Variants in ARHGEF15 observed in about 807,000 individuals in gnomAD.
The protein encoded by ARHGEF15 is Rho guanine nucleotide exchange factor 15, also known as Rho guanine nucleotide exchange factor (GEF) 15.
Under a neutral mutation model 79.7 loss-of-function variants are expected in ARHGEF15, and 58 were observed. The ratio of observed to expected loss-of-function variants is 0.73; its 90% confidence interval spans 0.59 to 0.91. The LOEUF (loss-of-function observed/expected upper bound fraction) is 0.91, where lower values mean the gene tolerates loss of function less well. Among genes scored for constraint, ARHGEF15 ranks in the 40% least tolerant of loss-of-function variants. ARHGEF15 has a pLI of 0.00. For missense variants in ARHGEF15, 1,012 were observed against 1,108.1 expected (o/e 0.91, Z 1.23); for synonymous variants, 442 against 456.0 (o/e 0.97, Z 0.39).
Position 8,320,958 on chromosome 17 carries a change from T to C in ARHGEF15, c.2491T>C (p.Ser831Pro), listed in dbSNP as rs3744647. Residue 831 changes from serine (S) to proline (P), a missense_variant, in exon 16 of 16, where the codon TCT becomes CCT. Coordinates refer to ENST00000361926, the MANE Select transcript of ARHGEF15 (RefSeq NM_173728.4). ...CCAGAGGCTTCTCGAGGCTGTTGGA[T>C]CTTCTTCAGGCACCCCCAATGCCCC... is the stretch of plus-strand genomic sequence containing the variant. Reference protein sequence around the residue: ...QNQRLLEAVGSSSGTPNAPPP With the variant: ...QNQRLLEAVGPSSGTPNAPPP 1,004,260 of 1,613,596 alleles carry C rather than the reference T, an allele frequency of 0.62. 314,773 individuals are homozygous for C. Among genetic ancestry groups the C allele is most frequent in the Middle Eastern group, 0.71 (4,332 of 6,060 alleles).
rs1408171717 is a variant in ARHGEF15 at position 8,322,449 on chromosome 17, G to A, written c.*1456G>A. The A allele has an allele frequency of 2.6e-5, 4 of 152,368 alleles. No individual in the cohort carries two copies. The highest frequency in any genetic ancestry group is 5.9e-5 in the Non-Finnish European group (4 of 68,136). 9.4% of individuals were successfully genotyped at this position (152,368 alleles called of 1,614,324 possible). A position where few individuals can be genotyped will look rare whatever the true frequency, so the allele number is the denominator to read the frequency against. The stretch of plus-strand genomic sequence containing the variant: ...GGCATTTGGCATGTCCATGACATTG[G>A]AGACTCCCCTAGCAGGGTGCCTGAC... On this transcript the variant is annotated 3_prime_UTR_variant, in exon 16 of 16. Transcript: ENST00000361926.
rs754752504 is a variant in ARHGEF15 at position 8,313,159 on chromosome 17, C to T, written c.839C>T (p.Pro280Leu). Residue 280 changes from proline to leucine, a missense_variant, in exon 3 of 16, where the codon CCT (proline) becomes CTT (leucine). By Grantham distance (98) the Pro-to-Leu change is moderately conservative. Around this residue, in one of 3 missense-constraint regions of ARHGEF15, gnomAD observed 818 missense variants for 882.5 expected, o/e 0.93. Coordinates refer to ENST00000361926, the MANE Select transcript of ARHGEF15 (RefSeq NM_173728.4). ...AERKLLPLLK[P>L]PKPTRVRQDA... is the part of the protein sequence containing the mutation. ...CGCAAACTCCTGCCACTCCTCAAGC[C>T]TCCCAAACCAACTCGTGTCAGGCAG... 2 of 1,612,572 alleles carry T rather than the reference C, an allele frequency of 1.2e-6. No homozygotes were observed. Among genetic ancestry groups the T allele is most frequent in the Non-Finnish European group, 1.7e-6 (2 of 1,180,000 alleles).
chr17:8,318,589 C>T lies in ARHGEF15; in HGVS notation c.1799C>T (p.Ala600Val), dbSNP rs749088765. 1 of 1,613,834 alleles carries T rather than the reference C, an allele frequency of 6.2e-7. No homozygotes were observed. The highest frequency in any genetic ancestry group is 1.1e-5 in the South Asian group (1 of 91,070). The change falls in exon 11 of 16, where the codon GCT (alanine) becomes GTT (valine). Residue 600 changes from alanine (A) to valine (V), a missense_variant. Ala to Val is a moderately conservative substitution (Grantham distance 64, BLOSUM62 0). Coordinates refer to ENST00000361926, the MANE Select transcript of ARHGEF15 (RefSeq NM_173728.4). This position sits in a 1 kb window ranked among gnomAD's most constrained non-coding sequence, Gnocchi z 5.0. ...AVSKIIERCS[A>V]EVGRMKQTEE... ...ACCTAGATCATCGAGCGTTGCAGCG[C>T]TGAGGTGGGGCGCATGAAGCAGACT...
chr17:8,312,827 T>C (rs970369691), intron 2 of ARHGEF15, 95 bp from the exon 3 acceptor site: 7 of 1,556,624 alleles, frequency 4.5e-6, no homozygotes, highest in Admixed American at 3.4e-5. Flanking sequence ...GACCTTGATA[T>C]TGCAGTTGCT....
intron 2 of ARHGEF15, 134 bp downstream of exon 2, chr17:8,312,774 G>A: frequency 6.3e-7 from 1 of 1,578,966 alleles, no homozygotes; most frequent in South Asian, 1.1e-5. Context: ...CTGTATGTCG[G>A]GATTTGAAGG....
At chr17:8,319,245 G>A in intron 13 of ARHGEF15, 67 bp from the exon 14 acceptor site, 1 of 1,606,396 alleles carries the variant, frequency 6.2e-7, no homozygotes, top group Non-Finnish European at 8.5e-7. Flanking sequence ...TCTCTCTTCT[G>A]TGGCTCCTGC....
chr17:8,313,567 C>A lies in ARHGEF15; in HGVS notation c.989+12C>A, dbSNP rs770521016. ...ACTGTGGAGGGGAGGTACTGAACAC[C>A]CCCACCCCTACTCCCTGGTTCTCTC... On this transcript the variant is annotated intron_variant, in intron 4 of 15. Coordinates refer to ENST00000361926, the MANE Select transcript of ARHGEF15 (RefSeq NM_173728.4). 11 of 1,611,884 alleles carry A rather than the reference C, an allele frequency of 6.8e-6. No individual in the cohort carries two copies. The highest frequency in any genetic ancestry group is 1.7e-4 in the Middle Eastern group (1 of 5,784).
chr17:8,313,575 C>T lies in ARHGEF15; in HGVS notation c.989+20C>T, dbSNP rs1313078955. 7 of 1,608,074 alleles carry T rather than the reference C, an allele frequency of 4.4e-6. No individual in the cohort carries two copies. In the East Asian group the frequency reaches 1.3e-4, roughly 31 times the overall value. The stretch of plus-strand genomic sequence containing the variant: ...GGGGAGGTACTGAACACCCCCACCC[C>T]TACTCCCTGGTTCTCTCCCCACCAT... On this transcript the variant is annotated intron_variant, in intron 4 of 15. Transcript: ENST00000361926.
At chr17:8,316,179 C>A in intron 9 of ARHGEF15, 31 bp downstream of exon 9, 1 of 1,593,648 alleles carries the variant, frequency 6.3e-7, no homozygotes, top group South Asian at 1.1e-5. Context: ...CGTTTCTGCC[C>A]CACCAACCCC....
rs1277986283 is a variant in ARHGEF15 at position 8,322,196 on chromosome 17, GC to G, written c.*1206del. Reference sequence around the variant, plus strand: ...GAGAGATTGGAGAGCGGGTGTGGCTGCCCAACCCCATCCAGAGCATCTGCTT... The same window carrying G: ...GAGAGATTGGAGAGCGGGTGTGGCTGCCAACCCCATCCAGAGCATCTGCTT... On this transcript the variant is annotated 3_prime_UTR_variant, in exon 16 of 16. Coordinates refer to ENST00000361926, the MANE Select transcript of ARHGEF15 (RefSeq NM_173728.4). 6.6e-6 allele frequency: 1 copy of G among 152,634 alleles called. No homozygotes were observed. The highest frequency in any genetic ancestry group is 1.5e-5 in the Non-Finnish European group (1 of 68,258). 9.5% of individuals were successfully genotyped at this position (152,634 alleles called of 1,614,324 possible).
intron 1 of ARHGEF15, 137 bp from the exon 2 acceptor site, chr17:8,311,854 G>T: frequency 1.8e-6 from 1 of 542,176 alleles, no homozygotes; most frequent in Non-Finnish European, 3.2e-6. Context: ...GCTGTATCCC[G>T]TATTGAGTTT....
Position 8,315,304 on chromosome 17 carries a change from G to A in ARHGEF15, c.1260+27G>A, listed in dbSNP as rs1360091690. 1 of 1,611,208 alleles carries A rather than the reference G, an allele frequency of 6.2e-7. No individual in the cohort carries two copies. Among genetic ancestry groups the A allele is most frequent in the Non-Finnish European group, 8.5e-7 (1 of 1,178,814 alleles). The stretch of plus-strand genomic sequence containing the variant: ...TGGGAGCTGGAGGTGGGAGATGGGA[G>A]GGGGGTGCTGGGGTTGGGCTGCATG... On this transcript the variant is annotated intron_variant, in intron 6 of 15. Coordinates refer to ENST00000361926, the MANE Select transcript of ARHGEF15 (RefSeq NM_173728.4). The surrounding 1 kb of genome is among the most constrained non-coding windows in gnomAD (Gnocchi z 4.3).
chr17:8,313,063 G>A lies in ARHGEF15; in HGVS notation c.743G>A (p.Arg248His), dbSNP rs376834708. The A allele has an allele frequency of 3.2e-5, 52 of 1,613,146 alleles. No individual in the cohort carries two copies. Among genetic ancestry groups the A allele is most frequent in the Non-Finnish European group, 3.6e-5 (42 of 1,179,736 alleles). The change falls in exon 3 of 16, where the codon CGC (arginine) becomes CAC (histidine). Residue 248 changes from arginine (R) to histidine (H), a missense_variant. Arg to His is a conservative substitution (Grantham distance 29). Around this residue, in one of 3 missense-constraint regions of ARHGEF15, gnomAD observed 818 missense variants for 882.5 expected, o/e 0.93. Transcript: ENST00000361926. ...PRRASPLRTS[R>H]SRPHPPSIGH... ...CGGGCCTCCCCGCTGCGGACCTCTC[G>A]CTCCCGCCCCCACCCTCCAAGCATC...
chr17:8,312,491 G>A lies in ARHGEF15; in HGVS notation c.452G>A (p.Arg151Gln), dbSNP rs374195875. The change falls in exon 2 of 16, where the codon CGG (arginine) becomes CAG (glutamine). Residue 151 changes from arginine to glutamine, a missense_variant. Arg to Gln is a conservative substitution (Grantham distance 43). Around this residue, in one of 3 missense-constraint regions of ARHGEF15, gnomAD observed 818 missense variants for 882.5 expected, o/e 0.93. Coordinates refer to ENST00000361926, the MANE Select transcript of ARHGEF15 (RefSeq NM_173728.4). Reference protein sequence around the residue: ...NGSASAPGTVRRLAGRFEGGA... With the variant: ...NGSASAPGTVQRLAGRFEGGA... ...TCTGCCTCAGCTCCTGGCACTGTGC[G>A]GAGGCTGGCTGGCAGGTTTGAAGGG... 2.2e-5 allele frequency: 36 copies of A among 1,613,062 alleles called. No homozygotes were observed. The highest frequency in any genetic ancestry group is 8.0e-5 in the African/African-American group (6 of 74,880).
intron 4 of ARHGEF15, among the ~76,000 whole-genome samples, chr17:8,314,623 G>A (rs1210142529): frequency 2.6e-5 from 4 of 151,884 alleles, no homozygotes; most frequent in East Asian, 1.9e-4. Flanking sequence ...AATTTGGGCC[G>A]GGCAAAGTAG....
rs1203749359 is a variant in ARHGEF15, at chr17:8,321,095, A to G, written c.*102A>G. 2.7e-6 allele frequency: 4 copies of G among 1,499,754 alleles called. No homozygotes were observed. Among genetic ancestry groups the G allele is most frequent in the South Asian group, 2.4e-5 (2 of 81,880 alleles). The allele number at this position is 1,499,754 out of a possible 1,614,324, so 92.9% of individuals were successfully genotyped here. A position where few individuals can be genotyped will look rare whatever the true frequency, so the allele number is the denominator to read the frequency against. ...TGGATTCACTGTCAGTGGAGATACT[A>G]CCTCTCGTGGCAACCATAGAGATCG... On this transcript the variant is annotated 3_prime_UTR_variant, in exon 16 of 16. Coordinates refer to ENST00000361926, the MANE Select transcript of ARHGEF15 (RefSeq NM_173728.4).
rs77503849 is a variant in ARHGEF15 at position 8,312,754 on chromosome 17, T to C, written c.601+114T>C. On this transcript the variant is annotated intron_variant, in intron 2 of 15. Transcript: ENST00000361926. ...TCAAAAATGGAGTTAATGTTTGGGATATCTGGTTTCTGTATGTCGGGATTT... is the reference window on the plus strand; with the variant it reads ...TCAAAAATGGAGTTAATGTTTGGGACATCTGGTTTCTGTATGTCGGGATTT... The C allele has an allele frequency of 2.2e-3, 3,517 of 1,594,242 alleles. 61 individuals are homozygous for C. The African/African-American group carries it at 0.039, about 18-fold the overall frequency.
At position 8,313,049 on chromosome 17, in the gene ARHGEF15, G is replaced by T; in HGVS notation, c.729G>T (p.Pro243=). Residue 243 remains proline, a synonymous_variant, in exon 3 of 16, where the codon CCG becomes CCT. Transcript: ENST00000361926. The stretch of plus-strand genomic sequence containing the variant: ...CCAGGGTCCCCCGTCGGGCCTCCCC[G>T]CTGCGGACCTCTCGCTCCCGCCCCC... ...EVPRVPRRAS[P]LRTSRSRPHP... is the part of the protein sequence containing the mutation. 6.2e-7 allele frequency: 1 copy of T among 1,613,426 alleles called. No homozygotes were observed. Among genetic ancestry groups the T allele is most frequent in the Non-Finnish European group, 8.5e-7 (1 of 1,179,820 alleles).
chr17:8,312,619 T>C lies in ARHGEF15; in HGVS notation c.580T>C (p.Ser194Pro). 1 of 1,613,236 alleles carries C rather than the reference T, an allele frequency of 6.2e-7. No homozygotes were observed. The highest frequency in any genetic ancestry group is 8.5e-7 in the Non-Finnish European group (1 of 1,179,928). The change falls in exon 2 of 16, where the codon TCC becomes CCC. Residue 194 changes from serine to proline, a missense_variant. By Grantham distance (74) the Ser-to-Pro change is moderately conservative. Around this residue, in one of 3 missense-constraint regions of ARHGEF15, gnomAD observed 818 missense variants for 882.5 expected, o/e 0.93. Transcript: ENST00000361926. Reference protein sequence around the residue: ...EREAPLTGSGSQENGAPDAGL... With the variant: ...EREAPLTGSGPQENGAPDAGL... ...AGAAGCTCCCCTCACCGGGAGTGGGTCCCAGGAGAACGGTGCTCCAGGTGA... is the reference window on the plus strand; with the variant it reads ...AGAAGCTCCCCTCACCGGGAGTGGGCCCCAGGAGAACGGTGCTCCAGGTGA...
Sources: gnomAD v4.1 joint callset for allele counts (sites outside exome capture counted in the v4.1 genomes callset) on GRCh38, gnomAD v4.1.1 for gene constraint, gnomAD v4.1.1 regional missense constraint, Gnocchi (gnomAD v3.1) non-coding constraint, MANE v1.5 for transcripts, NCBI Gene and HGNC (gene_info 2026-07-23, HGNC 2026-07-21) for gene names.